The following DACH1 variants were observed in gnomAD, a reference collection of about 807,000 sequenced individuals.
DACH1 encodes dachshund homolog 1.
A neutral mutation model predicts 54.2 loss-of-function variants in DACH1; 12 were observed. That is an observed-to-expected ratio of 0.22 (90% CI 0.14 to 0.36). DACH1 has a LOEUF of 0.36. Among genes scored for constraint, DACH1 ranks in the 10% least tolerant of loss-of-function variants. DACH1 has a pLI of 1.00. For missense variants in DACH1, 805 were observed against 929.8 expected, an observed-to-expected ratio of 0.87 and a Z score of 1.75; for synonymous variants, 386 against 366.2, an observed-to-expected ratio of 1.05 and a Z score of -0.62.
intron 6 of DACH1, among the ~76,000 whole-genome samples, chr13:71,498,460 A>ACTC (rs1879629474): frequency 6.6e-6 from 1 of 152,068 alleles, no homozygotes; most frequent in African/African-American, 2.4e-5. Flanking sequence ...TTGGAAAACC[A>ACTC]CTCTATTGAT....
At chr13:71,837,560 T>C (rs1170873300) in intron 1 of DACH1, among the ~76,000 whole-genome samples, 1 of 152,078 alleles carries the variant, frequency 6.6e-6, no homozygotes, top group East Asian at 1.9e-4. Context: ...TTAACACGGC[T>C]TATATTCCTT....
At chr13:71,810,116 C>T (rs2138148154) in intron 1 of DACH1, among the ~76,000 whole-genome samples, 1 of 152,238 alleles carries the variant, frequency 6.6e-6, no homozygotes, top group Admixed American at 6.5e-5. Context: ...CAGAGGTTAA[C>T]ACTAGTTAAT....
chr13:71,659,919 T>G (rs1879382189), intron 2 of DACH1, among the ~76,000 whole-genome samples: 1 of 152,132 alleles, frequency 6.6e-6, no homozygotes, highest in Non-Finnish European at 1.5e-5. Context: ...ATGCTTTTTC[T>G]GTGTGTTATG....
In DACH1 at chr13:71,866,406, T is replaced by TGCCGCCGCCGCC. The variant is rs530672616; in HGVS notation, c.352_363dup (p.Gly118_Gly121dup). The TGCCGCCGCCGCC allele has an allele frequency of 1.4e-6, 2 of 1,421,390 alleles. No homozygotes were observed. Among genetic ancestry groups the TGCCGCCGCCGCC allele is most frequent in the Admixed American group, 4.7e-5 (2 of 42,434 alleles). The allele number at this position is 1,421,390 out of a possible 1,614,324, so 88.0% of individuals were successfully genotyped here. A position where few individuals can be genotyped will look rare whatever the true frequency, so the allele number is the denominator to read the frequency against. ...GAAGCGACGCCGCCGCCAGCGCTGA[T>TGCCGCCGCCGCC]GCCGCCGCCGCCGCCGCCGCTGCCG... is the stretch of plus-strand genomic sequence containing the variant. On this transcript the variant is annotated inframe_insertion, in exon 1 of 11. Transcript: ENST00000613252.
At chr13:71,654,948 A>T (rs1003401138) in intron 2 of DACH1, among the ~76,000 whole-genome samples, 1 of 152,238 alleles carries the variant, frequency 6.6e-6, no homozygotes, top group East Asian at 1.9e-4. Context: ...CTTACTTTGC[A>T]TGTTGTACAG....
At chr13:71,573,764 A>T (rs1885367434) in intron 3 of DACH1, among the ~76,000 whole-genome samples, 1 of 152,050 alleles carries the variant, frequency 6.6e-6, no homozygotes, top group Admixed American at 6.6e-5. Context: ...CTTGTATAGG[A>T]TCTCAAAATT....
chr13:71,575,551 ACT>A (rs963209844), intron 3 of DACH1, among the ~76,000 whole-genome samples: 3 of 151,986 alleles, frequency 2.0e-5, no homozygotes, highest in Non-Finnish European at 2.9e-5. Flanking sequence ...ATGCACAATA[ACT>A]CTATTTTTCA....
intron 8 of DACH1, among the ~76,000 whole-genome samples, chr13:71,476,327 T>C (rs1877519480): frequency 6.6e-6 from 1 of 152,210 alleles, no homozygotes. Context: ...TGGAAAGCAA[T>C]GTTAGACCAA....
At chr13:71,733,134 T>A (rs1254897586) in intron 1 of DACH1, among the ~76,000 whole-genome samples, 2 of 152,172 alleles carry the variant, frequency 1.3e-5, no homozygotes, top group Admixed American at 1.3e-4. Context: ...TTATTCTAAT[T>A]TTAAATTATT....
chr13:71,550,267 CA>C (rs1883723814), intron 6 of DACH1, among the ~76,000 whole-genome samples: 1 of 152,084 alleles, frequency 6.6e-6, no homozygotes, highest in Admixed American at 6.6e-5. Flanking sequence ...GCACTCCAGA[CA>C]TATATTATCT....
intron 3 of DACH1, among the ~76,000 whole-genome samples, chr13:71,629,859 G>A (rs1323177307): frequency 2.0e-5 from 3 of 152,056 alleles, no homozygotes; most frequent in African/African-American, 7.2e-5. Flanking sequence ...ACATCCAGAT[G>A]CTAAGGATTT....
chr13:71,798,897 T>G (rs1594235995), intron 1 of DACH1, among the ~76,000 whole-genome samples: 1 of 152,220 alleles, frequency 6.6e-6, no homozygotes, highest in Admixed American at 6.6e-5. Flanking sequence ...CAGATCCAGT[T>G]AATGAAACTT....
chr13:71,520,291 C>A (rs1881498701), intron 6 of DACH1, among the ~76,000 whole-genome samples: 1 of 151,448 alleles, frequency 6.6e-6, no homozygotes, highest in Non-Finnish European at 1.5e-5. Context: ...CATACTCTTG[C>A]CAGAGCATCA....
At chr13:71,802,014 T>C (rs1887308569) in intron 1 of DACH1, among the ~76,000 whole-genome samples, 1 of 152,130 alleles carries the variant, frequency 6.6e-6, no homozygotes, top group Non-Finnish European at 1.5e-5. Flanking sequence ...AGCTCCATTA[T>C]TGCTGAATCC....
intron 2 of DACH1, among the ~76,000 whole-genome samples, chr13:71,635,973 G>T (rs1877461882): frequency 6.6e-6 from 1 of 151,960 alleles, no homozygotes; most frequent in South Asian, 2.1e-4. Flanking sequence ...TAGTAGAGAT[G>T]GGGTTTCACC....
In DACH1 at chr13:71,439,999, T is replaced by G. The variant is rs1873869670; in HGVS notation, c.*656A>C. ...CTTCAGTGAAAGCTTTTGGCTTATA[T>G]TCAATGCTTCTTTTCAGATATGCAA... is the stretch of plus-strand genomic sequence containing the variant. On this transcript the variant is annotated 3_prime_UTR_variant, in exon 11 of 11. Coordinates refer to ENST00000613252, the MANE Select transcript of DACH1 (RefSeq NM_080759.6). 1 of 152,192 alleles carries G rather than the reference T, an allele frequency of 6.6e-6. No homozygotes were observed. Among genetic ancestry groups the G allele is most frequent in the Non-Finnish European group, 1.5e-5 (1 of 67,922 alleles). 9.4% of individuals were successfully genotyped at this position (152,192 alleles called of 1,614,324 possible). A position where few individuals can be genotyped will look rare whatever the true frequency, so the allele number is the denominator to read the frequency against.
intron 1 of DACH1, among the ~76,000 whole-genome samples, chr13:71,790,896 G>A (rs1033243186): frequency 1.3e-5 from 2 of 152,192 alleles, no homozygotes; most frequent in African/African-American, 4.8e-5. Context: ...TTACAAAACA[G>A]TTCATAGAGC....
intron 2 of DACH1, among the ~76,000 whole-genome samples, chr13:71,681,171 CA>C (rs1880876243): frequency 6.6e-6 from 1 of 152,058 alleles, no homozygotes; most frequent in African/African-American, 2.4e-5. Flanking sequence ...TGAACCCATT[CA>C]GGGGGTAGAA....
rs1877452316 is a variant in DACH1 at position 71,475,687 on chromosome 13, A to G, written c.2014+19T>C. 6.3e-7 allele frequency: 1 copy of G among 1,596,138 alleles called. No homozygotes were observed. Among genetic ancestry groups the G allele is most frequent in the African/African-American group, 1.3e-5 (1 of 74,168 alleles). ...ATTAAAAATGACAGTTATTCATGCA[A>G]TAATATACACCCTCTTACCATTTAA... On this transcript the variant is annotated intron_variant, in intron 9 of 10. Transcript: ENST00000613252.
Sources: allele counts gnomAD v4.1 joint callset (sites outside exome capture counted in the v4.1 genomes callset), GRCh38; gene constraint gnomAD v4.1.1; transcripts MANE v1.5; gene names NCBI Gene and HGNC (gene_info 2026-07-23, HGNC 2026-07-21).